Variants in ARHGAP44 observed in about 807,000 individuals in gnomAD.
The protein encoded by ARHGAP44 is Rho GTPase activating protein 44.
Under a neutral mutation model 106.8 loss-of-function variants are expected in ARHGAP44, and 43 were observed. That is an observed-to-expected ratio of 0.40 (90% CI 0.32 to 0.52). The LOEUF (loss-of-function observed/expected upper bound fraction) is 0.52, where lower values mean the gene tolerates loss of function less well. Among genes scored for constraint, ARHGAP44 ranks in the 20% least tolerant of loss-of-function variants. The pLI is 0.48. For missense variants in ARHGAP44, 866 were observed against 1,050.5 expected, an observed-to-expected ratio of 0.82 and a Z score of 2.43; for synonymous variants, 439 against 410.3, an observed-to-expected ratio of 1.07 and a Z score of -0.85.
chr17:12,795,508 CA>C (rs1296489622), intron 1 of ARHGAP44, among the ~76,000 whole-genome samples: 2 of 151,274 alleles, frequency 1.3e-5, no homozygotes, highest in South Asian at 4.2e-4. Context: ...TTGTCTCCAT[CA>C]AAGTAATTTA....
Position 12,949,729 on chromosome 17 carries a change from A to T in ARHGAP44, c.1054A>T (p.Asn352Tyr). ...ELYDEWIQAS[N>Y]VQEQDKKLQA... ...CTATGATGAGTGGATCCAGGCTTCC[A>T]AGTGAGTACCCCTTGTTTTGGAATG... Residue 352 changes from asparagine to tyrosine, a missense_variant and splice_region_variant, in exon 12 of 21, where the codon AAT becomes TAT. By Grantham distance (143) the Asn-to-Tyr change is moderately radical. Coordinates refer to ENST00000379672, the MANE Select transcript of ARHGAP44 (RefSeq NM_014859.6). The surrounding 1 kb of genome is among the most constrained non-coding windows in gnomAD (Gnocchi z 4.1). 6.2e-7 allele frequency: 1 copy of T among 1,613,012 alleles called. No homozygotes were observed. Among genetic ancestry groups the T allele is most frequent in the Non-Finnish European group, 8.5e-7 (1 of 1,179,138 alleles).
chr17:12,962,001 T>C (rs2039274369), intron 16 of ARHGAP44, among the ~76,000 whole-genome samples: 2 of 152,110 alleles, frequency 1.3e-5, no homozygotes, highest in Admixed American at 1.3e-4. Flanking sequence ...AGATACATTT[T>C]AAAGTCTTCA....
rs1034655194 is a variant in ARHGAP44 at position 12,991,038 on chromosome 17, C to A, written c.*867C>A. The A allele has an allele frequency of 9.2e-5, 14 of 152,636 alleles. No homozygotes were observed. Among genetic ancestry groups the A allele is most frequent in the African/African-American group, 2.7e-4 (11 of 41,450 alleles). 9.5% of individuals were successfully genotyped at this position (152,636 alleles called of 1,614,324 possible). On this transcript the variant is annotated 3_prime_UTR_variant, in exon 21 of 21. Transcript: ENST00000379672. Reference sequence around the variant, plus strand: ...CTTTCTGGAGGTTCAAACTGAATAGCAATAATTACGTTACCCAAAGCATGT... The same window carrying A: ...CTTTCTGGAGGTTCAAACTGAATAGAAATAATTACGTTACCCAAAGCATGT...
At chr17:12,828,642 T>C (rs1367288478) in intron 1 of ARHGAP44, among the ~76,000 whole-genome samples, 4 of 144,124 alleles carry the variant, frequency 2.8e-5, no homozygotes, top group South Asian at 2.2e-4. Context: ...CTTTCTTTTT[T>C]TTTTTTTTTT....
chr17:12,924,795 A>G (rs1008838593), intron 6 of ARHGAP44, among the ~76,000 whole-genome samples: 1 of 152,178 alleles, frequency 6.6e-6, no homozygotes, highest in African/African-American at 2.4e-5. Context: ...CAAGTCACAG[A>G]TAGAGGTCTC....
At position 12,949,084 on chromosome 17, in the gene ARHGAP44, C is replaced by T. The variant is rs1027918257; in HGVS notation, c.862-56C>T. ...GAAGCAGGCAGTTGCGGGGTCTCTG[C>T]GCTTTGATGTTGTACCTTGGAGTTG... On this transcript the variant is annotated intron_variant, in intron 10 of 20. Coordinates refer to ENST00000379672, the MANE Select transcript of ARHGAP44 (RefSeq NM_014859.6). This position sits in a 1 kb window ranked among gnomAD's most constrained non-coding sequence, Gnocchi z 4.1. The T allele has an allele frequency of 1.3e-5, 20 of 1,491,506 alleles. No individual in the cohort carries two copies. Among genetic ancestry groups the T allele is most frequent in the Middle Eastern group, 1.7e-4 (1 of 5,910 alleles). The allele number at this position is 1,491,506 out of a possible 1,614,324, so 92.4% of individuals were successfully genotyped here.
chr17:12,813,134 T>C (rs550258729), intron 1 of ARHGAP44, among the ~76,000 whole-genome samples: 6 of 152,278 alleles, frequency 3.9e-5, no homozygotes, highest in Admixed American at 6.5e-5. Context: ...GTTTTGAATT[T>C]GCTTTGCATG....
chr17:12,968,919 A>G (rs4792307), intron 16 of ARHGAP44, among the ~76,000 whole-genome samples: 80,822 of 151,444 alleles, frequency 0.53, 22,730 homozygotes, highest in African/African-American at 0.72. Flanking sequence ...ACGGGCACCC[A>G]CCACCACGCC....
At chr17:12,968,420 G>A (rs2039443379) in intron 16 of ARHGAP44, among the ~76,000 whole-genome samples, 2 of 152,164 alleles carry the variant, frequency 1.3e-5, no homozygotes, top group Admixed American at 6.5e-5. Flanking sequence ...TCCAGGCTGA[G>A]CCTCCTGCGC....
At chr17:12,899,805 G>GTTGCTGCTTGAGCACATGTAAT (rs1440706996) in intron 3 of ARHGAP44, among the ~76,000 whole-genome samples, 5 of 152,098 alleles carry the variant, frequency 3.3e-5, no homozygotes, top group African/African-American at 7.2e-5. Context: ...GCACATGTAA[G>GTTGCTGCTTGAGCACATGTAAT]TTGCTACTTG....
At chr17:12,844,262 A>C (rs1438558652) in intron 1 of ARHGAP44, among the ~76,000 whole-genome samples, 1 of 152,146 alleles carries the variant, frequency 6.6e-6, no homozygotes, top group Non-Finnish European at 1.5e-5. Context: ...GTGTTTCTGG[A>C]GGCTGGCAAG....
intron 19 of ARHGAP44, chr17:12,982,808 G>A (rs1010828683): frequency 6.6e-6 from 1 of 152,130 alleles, no homozygotes; most frequent in Non-Finnish European, 1.5e-5. Flanking sequence ...GGATTCTGAA[G>A]GGCATGTCCT....
chr17:12,975,671 G>A (rs919704067), intron 18 of ARHGAP44, among the ~76,000 whole-genome samples: 12 of 151,702 alleles, frequency 7.9e-5, no homozygotes, highest in Admixed American at 2.6e-4. Flanking sequence ...GGTGGCGGGC[G>A]CCTGTAGTCC....
chr17:12,941,040 A>G lies in ARHGAP44; in HGVS notation c.583-16A>G. On this transcript the variant is annotated splice_polypyrimidine_tract_variant and intron_variant, in intron 7 of 20. Transcript: ENST00000379672. ...GGTTTATGTTTTACCTTGGTTGTAT[A>G]TTTTACCTTGCACAGGACCAGCTCT... 6.2e-7 allele frequency: 1 copy of G among 1,613,448 alleles called. No individual in the cohort carries two copies. The highest frequency in any genetic ancestry group is 8.5e-7 in the Non-Finnish European group (1 of 1,179,584).
At chr17:12,795,678 A>G (rs1401815188) in intron 1 of ARHGAP44, among the ~76,000 whole-genome samples, 2 of 152,150 alleles carry the variant, frequency 1.3e-5, no homozygotes, top group African/African-American at 4.8e-5. Context: ...AAAGCAGTTT[A>G]TTTCAAATGC....
rs764333725 is a variant in ARHGAP44, at chr17:12,990,197, G to A, written c.*26G>A. ...CATGACACCGCCCATCCTGCCTCGC[G>A]TGTACATACATCACGGGCCCTAGGA... On this transcript the variant is annotated 3_prime_UTR_variant, in exon 21 of 21. Transcript: ENST00000379672. The A allele has an allele frequency of 3.4e-5, 55 of 1,598,874 alleles. No homozygotes were observed. In the Middle Eastern group the frequency reaches 5.2e-4, roughly 15 times the overall value.
chr17:12,893,689 G>T (rs542438147), intron 1 of ARHGAP44, among the ~76,000 whole-genome samples: 2 of 152,330 alleles, frequency 1.3e-5, no homozygotes, highest in South Asian at 2.1e-4. Flanking sequence ...GCTGGCTTGG[G>T]TGGAGTAGGA....
intron 1 of ARHGAP44, among the ~76,000 whole-genome samples, chr17:12,832,074 A>G (rs961056919): frequency 2.0e-5 from 3 of 152,180 alleles, no homozygotes; most frequent in African/African-American, 7.2e-5. Context: ...GAAAGAGCCA[A>G]TTTACCAAGA....
intron 18 of ARHGAP44, among the ~76,000 whole-genome samples, chr17:12,976,209 C>A (rs1465195741): frequency 1.3e-5 from 2 of 152,114 alleles, no homozygotes; most frequent in Admixed American, 1.3e-4. Context: ...CATGGACACT[C>A]ATCCTCACAC....
Sources: allele counts gnomAD v4.1 joint callset (sites outside exome capture counted in the v4.1 genomes callset), GRCh38; gene constraint gnomAD v4.1.1; non-coding constraint Gnocchi (gnomAD v3.1); transcripts MANE v1.5; gene names NCBI Gene and HGNC (gene_info 2026-07-23, HGNC 2026-07-21).